The following SLC44A3 variants were observed in gnomAD, a reference collection of about 807,000 sequenced individuals.
SLC44A3 encodes the protein choline transporter-like protein 3.
SLC44A3 carries 74 observed loss-of-function variants against 75.4 expected under a neutral mutation model. The observed-to-expected ratio is 0.98, with a 90% CI of 0.81 to 1.19. SLC44A3 has a LOEUF of 1.19. Ranked by LOEUF, SLC44A3 falls within the 50% of genes most tolerant of loss-of-function variation. The pLI, the probability that SLC44A3 is intolerant of heterozygous loss-of-function variation, is 0.00. For missense variants in SLC44A3, 700 were observed against 778.6 expected, an observed-to-expected ratio of 0.90 and a Z score of 1.20; for synonymous variants, 310 against 296.9, an observed-to-expected ratio of 1.04 and a Z score of -0.45.
chr1:94,846,896 C>G (rs1276647898), intron 9 of SLC44A3, among the ~76,000 whole-genome samples: 2 of 152,258 alleles, frequency 1.3e-5, no homozygotes, highest in East Asian at 3.8e-4. Context: ...TCTTAGTAAA[C>G]TCAGTCCCCT....
At chr1:94,893,699 CTTGT>C (rs959049335) in intron 14 of SLC44A3, among the ~76,000 whole-genome samples, 1 of 151,906 alleles carries the variant, frequency 6.6e-6, no homozygotes, top group African/African-American at 2.4e-5. Flanking sequence ...TTACTTTTTA[CTTGT>C]TTATTGACTT....
chr1:94,888,791 G>A (rs1669890597), intron 12 of SLC44A3: 1 of 820,868 alleles, frequency 1.2e-6, no homozygotes, highest in African/African-American at 1.9e-5. Flanking sequence ...GTGCAGTGGT[G>A]CGATCTCGGC....
At chr1:94,881,963 T>A (rs1669050665) in intron 12 of SLC44A3, among the ~76,000 whole-genome samples, 1 of 151,834 alleles carries the variant, frequency 6.6e-6, no homozygotes, top group Non-Finnish European at 1.5e-5. Context: ...GAGGTTGCAG[T>A]GAGCTGAGAT....
At chr1:94,868,401 A>G (rs77989367) in intron 12 of SLC44A3, among the ~76,000 whole-genome samples, 8,150 of 152,308 alleles carry the variant, frequency 0.054, 294 homozygotes, top group Non-Finnish European at 0.081. Flanking sequence ...TTATTCAGGG[A>G]AAAATGTAGC....
chr1:94,828,378 T>TCACC (rs2100951507), intron 4 of SLC44A3, 115 bp from the exon 5 acceptor site: 1 of 711,664 alleles, frequency 1.4e-6, no homozygotes, highest in South Asian at 2.6e-5. Context: ...TGTGTTTCTG[T>TCACC]CACCCATAGA....
At chr1:94,884,024 T>C (rs1290709796) in intron 12 of SLC44A3, among the ~76,000 whole-genome samples, 1 of 29,450 alleles carries the variant, frequency 3.4e-5, no homozygotes, top group Non-Finnish European at 7.3e-5. Context: ...TCTTTGTCTC[T>C]GTGTTGTTTG....
chr1:94,820,949 G>A lies in SLC44A3; in HGVS notation c.28G>A (p.Val10Ile), dbSNP rs1171792548. 1 of 1,549,642 alleles carries A rather than the reference G, an allele frequency of 6.5e-7. No homozygotes were observed. The highest frequency in any genetic ancestry group is 8.7e-7 in the Non-Finnish European group (1 of 1,145,742). ...TCTCAACTCTCCCTTTTTCTGGAAG[G>A]TTTCTGCAGAAGGAGCCCCTAGGCA... MHCLGAEYL[V>I]SAEGAPRQRE... Residue 10 changes from valine to isoleucine, a missense_variant and splice_region_variant, in exon 2 of 15, where the codon GTT becomes ATT. Physicochemically the swap from Val to Ile is conservative, Grantham distance 29 (BLOSUM62 3). Transcript: ENST00000271227.
At chr1:94,881,500 C>G (rs6677235) in intron 12 of SLC44A3, among the ~76,000 whole-genome samples, 4 of 151,010 alleles carry the variant, frequency 2.6e-5, no homozygotes, top group African/African-American at 9.8e-5. Context: ...GTCAGGAGAT[C>G]AAGACCATCC....
chr1:94,883,514 CAAA>C (rs1324590511), intron 12 of SLC44A3, among the ~76,000 whole-genome samples: 3 of 152,028 alleles, frequency 2.0e-5, no homozygotes, highest in African/African-American at 7.2e-5. Flanking sequence ...TCAAACAAAG[CAAA>C]CAAACAAAGA....
intron 3 of SLC44A3, chr1:94,825,998 C>T (rs1396649442): frequency 2.2e-6 from 1 of 449,500 alleles, no homozygotes; most frequent in Non-Finnish European, 4.5e-6. Flanking sequence ...ACTCAAGTGT[C>T]CATCAATGGT....
chr1:94,836,092 ATTTCT>A (rs1164622254), intron 5 of SLC44A3, among the ~76,000 whole-genome samples: 1 of 152,214 alleles, frequency 6.6e-6, no homozygotes, highest in East Asian at 1.9e-4. Flanking sequence ...TTGGGAAGTC[ATTTCT>A]TTTCTTCAGG....
intron 12 of SLC44A3, 140 bp downstream of exon 12, chr1:94,867,557 C>A: frequency 2.0e-6 from 1 of 500,340 alleles, no homozygotes; most frequent in Non-Finnish European, 3.4e-6. Context: ...GTCTCTCTGT[C>A]ACAACCACTC....
chr1:94,828,015 G>A (rs1259439598), intron 4 of SLC44A3, among the ~76,000 whole-genome samples: 7 of 152,176 alleles, frequency 4.6e-5, no homozygotes, highest in African/African-American at 7.2e-5. Context: ...TGCAGGCTGC[G>A]CGTAGAATTG....
chr1:94,838,762 T>C (rs879650115), intron 6 of SLC44A3, among the ~76,000 whole-genome samples: 5 of 152,224 alleles, frequency 3.3e-5, no homozygotes, highest in Non-Finnish European at 4.4e-5. Context: ...TCAAACAAGA[T>C]GCTTTGACTC....
rs896805174 is a variant in SLC44A3 at position 94,879,191 on chromosome 1, C to A, written c.1482+11774C>A. 6.8e-4 allele frequency among the ~76,000 whole-genome samples: 101 copies of A among 148,374 alleles called. 1 individual carries two copies. The highest frequency in any genetic ancestry group is 2.4e-3 in the African/African-American group (99 of 40,418). On this transcript the variant is annotated intron_variant, in intron 12 of 14. Transcript: ENST00000271227. The stretch of plus-strand genomic sequence containing the variant: ...GTTACTGTCCAAAATACATAAGGAA[C>A]TTCTACAATTTAACAACAACTACAA...
At chr1:94,852,712 C>T (rs1213326748) in intron 9 of SLC44A3, among the ~76,000 whole-genome samples, 1 of 152,022 alleles carries the variant, frequency 6.6e-6, no homozygotes, top group Non-Finnish European at 1.5e-5. Flanking sequence ...TTGGAAGTGG[C>T]ATGACATATT....
intron 12 of SLC44A3, among the ~76,000 whole-genome samples, chr1:94,874,449 C>T (rs1005315224): frequency 6.6e-6 from 1 of 152,188 alleles, no homozygotes; most frequent in African/African-American, 2.4e-5. Flanking sequence ...AGTGAGCAGC[C>T]GCCATGTTAA....
intron 12 of SLC44A3, among the ~76,000 whole-genome samples, chr1:94,878,005 C>A (rs1035296040): frequency 6.6e-6 from 1 of 152,070 alleles, no homozygotes; most frequent in South Asian, 2.1e-4. Flanking sequence ...GAGGCCAAGG[C>A]GGGTGGATCA....
Position 94,827,641 on chromosome 1 carries a change from G to A in SLC44A3, c.413G>A (p.Ser138Asn). 6.2e-7 allele frequency: 1 copy of A among 1,614,170 alleles called. No homozygotes were observed. Among genetic ancestry groups the A allele is most frequent in the Non-Finnish European group, 8.5e-7 (1 of 1,180,010 alleles). ...LEEVQFFANTSGSFLCVYSLN... is the reference protein window; with the variant it reads ...LEEVQFFANTNGSFLCVYSLN... Reference sequence around the variant, plus strand: ...GAGGTCCAGTTCTTTGCAAACACCAGTGGTAGGCACTAAGGCCTGGTTTGT... The same window carrying A: ...GAGGTCCAGTTCTTTGCAAACACCAATGGTAGGCACTAAGGCCTGGTTTGT... Residue 138 changes from serine (S) to asparagine (N), a missense_variant and splice_region_variant, in exon 4 of 15, where the codon AGT becomes AAT. Transcript: ENST00000271227.
Sources: gnomAD v4.1 joint callset for allele counts (sites outside exome capture counted in the v4.1 genomes callset) on GRCh38, gnomAD v4.1.1 for gene constraint, MANE v1.5 for transcripts, NCBI Gene and HGNC (gene_info 2026-07-23, HGNC 2026-07-21) for gene names.